TENM2: variants seen among roughly 807,000 people sequenced by gnomAD.
The protein encoded by TENM2 is teneurin transmembrane protein 2.
A neutral mutation model predicts 245.2 loss-of-function variants in TENM2; 52 were observed. The ratio of observed to expected loss-of-function variants is 0.21; its 90% CI spans 0.17 to 0.27. The LOEUF (loss-of-function observed/expected upper bound fraction) is 0.27, where lower values mean the gene tolerates loss of function less well. Ranked by LOEUF, TENM2 falls within the 10% of genes least tolerant of loss-of-function variation. TENM2 has a pLI of 1.00. For missense variants in TENM2, 3,046 were observed against 3,666.8 expected (o/e 0.83, Z 4.37); for synonymous variants, 1,363 against 1,438.9 (o/e 0.95, Z 1.19).
chr5:167,946,776 C>T (rs1330677487), intron 3 of TENM2, among the ~76,000 whole-genome samples: 1 of 152,134 alleles, frequency 6.6e-6, no homozygotes, highest in East Asian at 1.9e-4. Context: ...ACCTCACTTA[C>T]TGGATCTGTG....
At chr5:167,392,021 A>T (rs1426992137) in intron 2 of TENM2, among the ~76,000 whole-genome samples, 1 of 152,044 alleles carries the variant, frequency 6.6e-6, no homozygotes, top group Non-Finnish European at 1.5e-5. Flanking sequence ...TTCTTTGTTC[A>T]TTCTTGTTGG....
intron 2 of TENM2, among the ~76,000 whole-genome samples, chr5:167,531,035 C>T (rs1010937788): frequency 6.6e-6 from 1 of 152,206 alleles, no homozygotes; most frequent in African/African-American, 2.4e-5. Context: ...GTTTCACTTA[C>T]TGCCTTCAAA....
chr5:167,572,783 A>C (rs1437523033), intron 2 of TENM2, among the ~76,000 whole-genome samples: 1 of 152,184 alleles, frequency 6.6e-6, no homozygotes, highest in African/African-American at 2.4e-5. Flanking sequence ...AACCTTCTTT[A>C]AAATGGTACA....
chr5:167,999,455 T>C (rs1032369143), intron 5 of TENM2, among the ~76,000 whole-genome samples: 1 of 152,148 alleles, frequency 6.6e-6, no homozygotes, highest in African/African-American at 2.4e-5. Context: ...CACTGGTGAG[T>C]CTTTGGCAGG....
In TENM2 at chr5:167,520,000, A is replaced by G. The variant is rs148223800; in HGVS notation, c.502+144527A>G. Among the ~76,000 whole-genome samples the G allele has an allele frequency of 1.3e-3, 205 of 152,326 alleles. 1 individual carries two copies. Among genetic ancestry groups the G allele is most frequent in the African/African-American group, 4.7e-3 (196 of 41,578 alleles). ...GAAAACATTCTAAAACTGAAGAATC[A>G]TGTCACAAAATGTTGGAAATTAGAA... On this transcript the variant is annotated intron_variant, in intron 2 of 28. Transcript: ENST00000518659.
chr5:167,681,665 T>A (rs985665509), intron 2 of TENM2, among the ~76,000 whole-genome samples: 1 of 152,154 alleles, frequency 6.6e-6, no homozygotes, highest in Non-Finnish European at 1.5e-5. Context: ...TATATATGTA[T>A]GCATATCATA....
chr5:167,273,951 C>T, the TENM2 span, among the ~76,000 whole-genome samples: 1 of 151,886 alleles, frequency 6.6e-6, no homozygotes, highest in Non-Finnish European at 1.5e-5. Flanking sequence ...CGTATGCAGC[C>T]AGAAGGAAGT....
intron 2 of TENM2, among the ~76,000 whole-genome samples, chr5:167,413,984 A>G (rs534036747): frequency 6.6e-6 from 1 of 152,274 alleles, no homozygotes; most frequent in African/African-American, 2.4e-5. Flanking sequence ...TTGTTTTGTT[A>G]TATTACAGTG....
chr5:167,403,806 C>A (rs951392996), intron 2 of TENM2, among the ~76,000 whole-genome samples: 1 of 151,978 alleles, frequency 6.6e-6, no homozygotes, highest in South Asian at 2.1e-4. Context: ...CAGGGAATAA[C>A]ACAGAAAGTT....
intron 2 of TENM2, among the ~76,000 whole-genome samples, chr5:167,690,927 G>GTA (rs1210304323): frequency 3.7e-5 from 2 of 53,774 alleles, no homozygotes; most frequent in African/African-American, 2.0e-4. Context: ...GCGAGTATGT[G>GTA]TGTGTGTGTG....
In TENM2 at chr5:167,932,089, G is replaced by A. The variant is rs149719734; in HGVS notation, c.713-20499G>A. ...CTGCCTAGGTGAACAGTTGTAAGTC[G>A]GGAGTCTGACTGCAGGTGCAGGAGG... On this transcript the variant is annotated intron_variant, in intron 3 of 28. Transcript: ENST00000518659. 2.8e-3 allele frequency among the ~76,000 whole-genome samples: 429 copies of A among 152,300 alleles called. 2 individuals carry two copies. The highest frequency in any genetic ancestry group is 9.8e-3 in the African/African-American group (406 of 41,576).
chr5:168,110,336 T>G (rs984095555), intron 9 of TENM2, among the ~76,000 whole-genome samples: 1 of 152,210 alleles, frequency 6.6e-6, no homozygotes, highest in Non-Finnish European at 1.5e-5. Context: ...TATCTAGTGA[T>G]GACTATGTGC....
At chr5:167,153,596 G>A in the TENM2 span, among the ~76,000 whole-genome samples, 1 of 151,812 alleles carries the variant, frequency 6.6e-6, no homozygotes, top group Admixed American at 6.6e-5. Context: ...GTGGACCTGT[G>A]CAGTTCAAAT....
chr5:167,513,333 A>G (rs1770095802), intron 2 of TENM2, among the ~76,000 whole-genome samples: 1 of 152,180 alleles, frequency 6.6e-6, no homozygotes, highest in African/African-American at 2.4e-5. Context: ...GCAATAAAAT[A>G]TAGAATATCA....
chr5:167,991,846 T>G (rs1023291723), intron 4 of TENM2, among the ~76,000 whole-genome samples: 1 of 152,162 alleles, frequency 6.6e-6, no homozygotes, highest in Admixed American at 6.5e-5. Context: ...ACACAGGTTT[T>G]ATCGAAAGAC....
chr5:167,696,036 A>G (rs1757744119), intron 2 of TENM2, among the ~76,000 whole-genome samples: 1 of 149,624 alleles, frequency 6.7e-6, no homozygotes, highest in South Asian at 2.1e-4. Flanking sequence ...TCCGTCAAAA[A>G]AAAACAAAAA....
chr5:167,181,466 TTGTGTGTGTGTGTGTGTG>T, the TENM2 span, among the ~76,000 whole-genome samples: 2,007 of 122,584 alleles, frequency 0.016, 24 homozygotes, highest in South Asian at 0.029. Flanking sequence ...AGCCGCTCGT[TTGTGTGTGTGTGTGTGTG>T]TGTGTGTGTG....
At chr5:167,891,583 G>A (rs1774763692) in intron 3 of TENM2, among the ~76,000 whole-genome samples, 1 of 152,106 alleles carries the variant, frequency 6.6e-6, no homozygotes, top group Admixed American at 6.5e-5. Context: ...AGTGCTAAGG[G>A]AGTTACAAGC....
intron 23 of TENM2, among the ~76,000 whole-genome samples, chr5:168,224,321 A>G (rs1447292883): frequency 1.3e-5 from 2 of 152,156 alleles, no homozygotes; most frequent in Admixed American, 6.5e-5. Context: ...CTGAGCTCAC[A>G]GACATTCCTG....
Sources: allele counts gnomAD v4.1 joint callset (sites outside exome capture counted in the v4.1 genomes callset), GRCh38; gene constraint gnomAD v4.1.1; transcripts MANE v1.5; gene names NCBI Gene and HGNC (gene_info 2026-07-23, HGNC 2026-07-21).